TEX15: variants seen among roughly 807,000 people sequenced by gnomAD.
The protein encoded by TEX15 is testis-expressed protein 15.
Under a neutral mutation model 237.3 loss-of-function variants are expected in TEX15, and 171 were observed. The observed-to-expected ratio is 0.72, with a 90% confidence interval of 0.64 to 0.82. The LOEUF (loss-of-function observed/expected upper bound fraction) is 0.82, where lower values mean the gene tolerates loss of function less well. TEX15 is among the 40% of genes least tolerant of loss of function. TEX15 has a pLI of 0.00. For missense variants in TEX15, 3,750 were observed against 3,646.5 expected (o/e 1.03, Z -0.73); for synonymous variants, 1,338 against 1,269.8 (o/e 1.05, Z -1.14).
At chr8:30,871,367 T>G (rs1808288082) in intron 4 of TEX15, among the ~76,000 whole-genome samples, 1 of 152,058 alleles carries the variant, frequency 6.6e-6, no homozygotes, top group Non-Finnish European at 1.5e-5. Flanking sequence ...CCCTCTGCTG[T>G]GCACAGCTTT....
intron 3 of TEX15, among the ~76,000 whole-genome samples, chr8:30,875,361 C>T (rs1808378971): frequency 1.3e-5 from 2 of 152,138 alleles, no homozygotes; most frequent in Admixed American, 1.3e-4. Context: ...ATATGACAGT[C>T]CCAGAATTTT....
Position 30,849,057 on chromosome 8 carries a change from G to C in TEX15, c.1110C>G (p.Asp370Glu). ...QTEHSLAEIRDTSQVLAHDSD... is the reference protein window; with the variant it reads ...QTEHSLAEIRETSQVLAHDSD... ...AATCATGTGCAAGTACTTGAGAAGT[G>C]TCTCTAATTTCTGCTAAACTGTGCT... The change falls in exon 8 of 11, where the codon GAC (aspartate) becomes GAG (glutamate). Residue 370 changes from aspartate to glutamate, a missense_variant. By Grantham distance (45) the Asp-to-Glu change is conservative (BLOSUM62 2). Transcript: ENST00000643185. 1 of 1,614,002 alleles carries C rather than the reference G, an allele frequency of 6.2e-7. No homozygotes were observed. The highest frequency in any genetic ancestry group is 1.1e-5 in the South Asian group (1 of 91,076).
rs1447559484 is a variant in TEX15, at chr8:30,848,878, G to C, written c.1289C>G (p.Ser430Cys). The C allele has an allele frequency of 3.7e-6, 6 of 1,614,120 alleles. No homozygotes were observed. Among genetic ancestry groups the C allele is most frequent in the Non-Finnish European group, 4.2e-6 (5 of 1,180,030 alleles). ...CCTCATCAGTCTTGGGTCTTTGATG[G>C]ATTTTGAAGTAGTGACTGTGCTTGA... ...TGSSTVTTSKSIKDPRLMRRE... is the reference protein window; with the variant it reads ...TGSSTVTTSKCIKDPRLMRRE... The change falls in exon 8 of 11, where the codon TCC (serine) becomes TGC (cysteine). Residue 430 changes from serine to cysteine, a missense_variant. Physicochemically the swap from Ser to Cys is moderately radical, Grantham distance 112 (BLOSUM62 -1). Transcript: ENST00000643185.
intron 2 of TEX15, among the ~76,000 whole-genome samples, chr8:30,889,592 A>G (rs187459663): frequency 7.6e-4 from 116 of 152,274 alleles, no homozygotes; most frequent in African/African-American, 2.1e-3. Context: ...CTTTGCCACA[A>G]AAAGCTAAGT....
intron 7 of TEX15, among the ~76,000 whole-genome samples, chr8:30,855,559 T>C (rs2128769716): frequency 6.6e-6 from 1 of 152,244 alleles, no homozygotes; most frequent in Admixed American, 6.5e-5. Flanking sequence ...TACTACAGAG[T>C]CTTCATATAA....
At chr8:30,883,348 G>A (rs1423843203) in intron 3 of TEX15, among the ~76,000 whole-genome samples, 1 of 151,572 alleles carries the variant, frequency 6.6e-6, no homozygotes, top group Non-Finnish European at 1.5e-5. Flanking sequence ...ACGATTCCTG[G>A]CTATTCCTTC....
intron 7 of TEX15, among the ~76,000 whole-genome samples, chr8:30,856,236 G>A (rs1008803276): frequency 6.6e-6 from 1 of 152,020 alleles, no homozygotes; most frequent in African/African-American, 2.4e-5. Flanking sequence ...ATAAGCCATG[G>A]TGCCCGGCAC....
At chr8:30,896,141 C>T (rs1177090165) in intron 2 of TEX15, among the ~76,000 whole-genome samples, 1 of 151,968 alleles carries the variant, frequency 6.6e-6, no homozygotes, top group Non-Finnish European at 1.5e-5. Context: ...CAATGACGAC[C>T]CGTAAAGTTT....
At chr8:30,859,798 TA>T in intron 6 of TEX15, 112 bp downstream of exon 6, 1 of 799,454 alleles carries the variant, frequency 1.3e-6, no homozygotes. Context: ...TTGCTTAAGA[TA>T]TTATATTGAA....
At chr8:30,884,444 C>G (rs1044939760) in intron 3 of TEX15, among the ~76,000 whole-genome samples, 1 of 152,144 alleles carries the variant, frequency 6.6e-6, no homozygotes, top group Non-Finnish European at 1.5e-5. Context: ...CTAGTACTCA[C>G]CAGTGAACCT....
intron 9 of TEX15, among the ~76,000 whole-genome samples, chr8:30,839,637 G>A (rs1807396110): frequency 6.6e-6 from 1 of 151,994 alleles, no homozygotes; most frequent in Non-Finnish European, 1.5e-5. Context: ...ACTATACTCA[G>A]AATATTCTTA....
At position 30,843,266 on chromosome 8, in the gene TEX15, G is replaced by A; in HGVS notation, c.6901C>T (p.Leu2301Phe). 6.2e-7 allele frequency: 1 copy of A among 1,612,602 alleles called. No individual in the cohort carries two copies. The highest frequency in any genetic ancestry group is 8.5e-7 in the Non-Finnish European group (1 of 1,179,500). The change falls in exon 8 of 11, where the codon CTC (leucine) becomes TTC (phenylalanine). Residue 2301 changes from leucine to phenylalanine, a missense_variant. Physicochemically the swap from Leu to Phe is conservative, Grantham distance 22. Transcript: ENST00000643185. ...YSQKKDEERL[L>F]RVNKCAFSKL... is the part of the protein sequence containing the mutation. ...GAAAAGGCACATTTATTCACTCTGAGTAGCCTTTCTTCGTCCTTCTTTTGT... is the reference window on the plus strand; with the variant it reads ...GAAAAGGCACATTTATTCACTCTGAATAGCCTTTCTTCGTCCTTCTTTTGT...
rs754289985 is a variant in TEX15, at chr8:30,848,045, C to T, written c.2122G>A (p.Ala708Thr). ...IKDKDELDHL[A>T]LEWQITPSFE... Reference sequence around the variant, plus strand: ...CTTGGAGTAATTTGCCATTCCAATGCTAGATGATCTAGTTCATCCTTATCC... The same window carrying T: ...CTTGGAGTAATTTGCCATTCCAATGTTAGATGATCTAGTTCATCCTTATCC... Residue 708 changes from alanine (A) to threonine (T), a missense_variant, in exon 8 of 11, where the codon GCA becomes ACA. Ala to Thr is a moderately conservative substitution (Grantham distance 58). Transcript: ENST00000643185. 6.2e-7 allele frequency: 1 copy of T among 1,613,782 alleles called. No individual in the cohort carries two copies. The highest frequency in any genetic ancestry group is 8.5e-7 in the Non-Finnish European group (1 of 1,179,950).
At chr8:30,836,458 C>G (rs963361246) in intron 10 of TEX15, among the ~76,000 whole-genome samples, 2 of 151,878 alleles carry the variant, frequency 1.3e-5, no homozygotes, top group African/African-American at 2.4e-5. Flanking sequence ...GTGATCTGCC[C>G]CCCTCGGCCT....
Position 30,844,902 on chromosome 8 carries a change from T to C in TEX15, c.5265A>G (p.Pro1755=), listed in dbSNP as rs1332103739. 8 of 1,613,494 alleles carry C rather than the reference T, an allele frequency of 5.0e-6. No homozygotes were observed. The highest frequency in any genetic ancestry group is 2.7e-5 in the African/African-American group (2 of 75,028). Residue 1755 remains proline (P), a synonymous_variant, in exon 8 of 11, where the codon CCA becomes CCG. Coordinates refer to ENST00000643185, the MANE Select transcript of TEX15 (RefSeq NM_001350162.2). Reference sequence around the variant, plus strand: ...TTTCTCTACAGCTCTGCTCACAGTGTGGTACAGTACTGGATGCTGCAAAAG... The same window carrying C: ...TTTCTCTACAGCTCTGCTCACAGTGCGGTACAGTACTGGATGCTGCAAAAG... ...VDSFAASSTV[P]HCEQSCREKE... is the part of the protein sequence containing the mutation.
chr8:30,850,673 A>G (rs1396989769), intron 7 of TEX15, among the ~76,000 whole-genome samples: 1 of 152,212 alleles, frequency 6.6e-6, no homozygotes, highest in Non-Finnish European at 1.5e-5. Flanking sequence ...CACCTACACC[A>G]AAATAAAATT....
chr8:30,878,547 C>A (rs1434872652), intron 3 of TEX15, among the ~76,000 whole-genome samples: 2 of 152,006 alleles, frequency 1.3e-5, no homozygotes, highest in Non-Finnish European at 1.5e-5. Context: ...CCATGCCGGG[C>A]TAATTTTTCT....
At position 30,836,846 on chromosome 8, in the gene TEX15, G is replaced by A; in HGVS notation, c.9438C>T (p.Tyr3146=). The A allele has an allele frequency of 6.2e-7, 1 of 1,613,648 alleles. No homozygotes were observed. Among genetic ancestry groups the A allele is most frequent in the Non-Finnish European group, 8.5e-7 (1 of 1,179,818 alleles). Residue 3146 remains tyrosine, a synonymous_variant, in exon 10 of 11, where the codon TAC becomes TAT. Coordinates refer to ENST00000643185, the MANE Select transcript of TEX15 (RefSeq NM_001350162.2). The part of the protein sequence containing the change: ...HQPLPQATYP[Y]LPNRFVPPEV... ...CTGGAGGCACAAATCGATTAGGAAG[G>A]TAAGGGTATGTAGCTTGTGGTAATG...
In TEX15 at chr8:30,833,056, T is replaced by G. The variant is rs117761673; in HGVS notation, c.*230A>C. 2 of 386,550 alleles carry G rather than the reference T, an allele frequency of 5.2e-6. No individual in the cohort carries two copies. The highest frequency in any genetic ancestry group is 9.3e-6 in the Non-Finnish European group (2 of 215,158). 23.9% of individuals were successfully genotyped at this position (386,550 alleles called of 1,614,324 possible). On this transcript the variant is annotated 3_prime_UTR_variant, in exon 11 of 11. Transcript: ENST00000643185. ...CCACTATTGCTTAACTTTGATCATA[T>G]TACCCTCCCCTTATAATTGCATGGA...
Sources: allele counts gnomAD v4.1 joint callset (sites outside exome capture counted in the v4.1 genomes callset), GRCh38; gene constraint gnomAD v4.1.1; transcripts MANE v1.5; gene names NCBI Gene and HGNC (gene_info 2026-07-23, HGNC 2026-07-21).